Variants in SEPTIN9 observed in about 807,000 individuals in gnomAD.
SEPTIN9 encodes septin-9.
In SEPTIN9, 13 loss-of-function variants were observed where a neutral mutation model predicts 56.6. The ratio of observed to expected loss-of-function variants is 0.23; its 90% CI spans 0.15 to 0.37. The LOEUF (loss-of-function observed/expected upper bound fraction) is 0.37. Ranked by LOEUF, SEPTIN9 falls within the 10% of genes least tolerant of loss-of-function variation. The pLI is 1.00. For missense variants in SEPTIN9, 650 were observed against 823.1 expected (o/e 0.79, Z 2.57); for synonymous variants, 332 against 334.1 (o/e 0.99, Z 0.07).
chr17:77,454,172 C>G, intron 3 of SEPTIN9: 1 of 985,572 alleles, frequency 1.0e-6, no homozygotes, highest in Non-Finnish European at 1.2e-6. Context: ...CACAGAGCAT[C>G]GATACCACCT....
intron 3 of SEPTIN9, among the ~76,000 whole-genome samples, chr17:77,448,439 G>A (rs1598391318): frequency 6.6e-6 from 1 of 151,522 alleles, no homozygotes; most frequent in East Asian, 1.9e-4. Context: ...TCACGCCATT[G>A]CGCTCCAGCC....
At chr17:77,480,459 G>C (rs986893631) in intron 3 of SEPTIN9, among the ~76,000 whole-genome samples, 2 of 152,200 alleles carry the variant, frequency 1.3e-5, no homozygotes, top group African/African-American at 2.4e-5. Flanking sequence ...CCTGAGTTCG[G>C]TTCTTGCCCC....
intron 2 of SEPTIN9, among the ~76,000 whole-genome samples, chr17:77,381,005 T>C (rs537711087): frequency 3.9e-5 from 6 of 152,338 alleles, no homozygotes; most frequent in African/African-American, 1.4e-4. Context: ...TTTCTGATTC[T>C]GTGCCTGGTT....
rs1380454086 is a variant in SEPTIN9, at chr17:77,402,833, C to T, written c.721+130C>T. 17 of 915,384 alleles carry T rather than the reference C, an allele frequency of 1.9e-5. No individual in the cohort carries two copies. In the East Asian group the frequency reaches 2.4e-4, roughly 13 times the overall value. 56.7% of individuals were successfully genotyped at this position (915,384 alleles called of 1,614,324 possible). A position where few individuals can be genotyped will look rare whatever the true frequency, so the allele number is the denominator to read the frequency against. ...TGCTACCCTGGAGACCCAGAAAGAC[C>T]GGAATGCATGGGGGTGGGGGTCTGC... On this transcript the variant is annotated intron_variant, in intron 3 of 11. Coordinates refer to ENST00000427177, the MANE Select transcript of SEPTIN9 (RefSeq NM_001113491.2). This position sits in a 1 kb window ranked among gnomAD's most constrained non-coding sequence, Gnocchi z 6.6.
At chr17:77,466,054 TCACACACACA>T (rs10599395) in intron 3 of SEPTIN9, among the ~76,000 whole-genome samples, 9,176 of 127,380 alleles carry the variant, frequency 0.072, 332 homozygotes, top group South Asian at 0.097. Flanking sequence ...TTCTGGACTG[TCACACACACA>T]CACACACACA....
chr17:77,391,105 G>A (rs1400136054), intron 2 of SEPTIN9, among the ~76,000 whole-genome samples: 1 of 152,176 alleles, frequency 6.6e-6, no homozygotes, highest in East Asian at 1.9e-4. Flanking sequence ...GAGGGCAGTG[G>A]GGCGAGGCTG....
At chr17:77,490,709 C>G (rs375544386) in intron 7 of SEPTIN9, 33 bp from the exon 8 acceptor site, 2 of 1,495,718 alleles carry the variant, frequency 1.3e-6, no homozygotes, top group Non-Finnish European at 1.8e-6. Flanking sequence ...CCCGCTCCCC[C>G]AGATGAGCCT....
In SEPTIN9 at chr17:77,476,033, T is replaced by C. The variant is rs2039200611; in HGVS notation, c.722-6111T>C. 1.0e-6 allele frequency: 1 copy of C among 978,010 alleles called. No homozygotes were observed. The highest frequency in any genetic ancestry group is 1.5e-6 in the Non-Finnish European group (1 of 653,452). The allele number at this position is 978,010 out of a possible 1,614,324, so 60.6% of individuals were successfully genotyped here. A position where few individuals can be genotyped will look rare whatever the true frequency, so the allele number is the denominator to read the frequency against. ...CCTGGGGTGCAGGCCCGGCTGTCAC[T>C]CCCCTGGAGCTGGGAATGGCATTGG... On this transcript the variant is annotated intron_variant, in intron 3 of 11. Transcript: ENST00000427177. This position sits in a 1 kb window ranked among gnomAD's most constrained non-coding sequence, Gnocchi z 6.0.
chr17:77,413,121 T>TGTGC (rs2036364851), intron 3 of SEPTIN9, among the ~76,000 whole-genome samples: 2 of 148,588 alleles, frequency 1.3e-5, no homozygotes, highest in African/African-American at 5.0e-5. Context: ...TGTGTGTGTG[T>TGTGC]GCTATTTTTA....
chr17:77,476,633 G>A lies in SEPTIN9; in HGVS notation c.722-5511G>A, dbSNP rs560379266. 2.0e-5 allele frequency among the ~76,000 whole-genome samples: 3 copies of A among 152,358 alleles called. No homozygotes were observed. Among genetic ancestry groups the A allele is most frequent in the East Asian group, 1.9e-4 (1 of 5,194 alleles). On this transcript the variant is annotated intron_variant, in intron 3 of 11. Coordinates refer to ENST00000427177, the MANE Select transcript of SEPTIN9 (RefSeq NM_001113491.2). This position sits in a 1 kb window ranked among gnomAD's most constrained non-coding sequence, Gnocchi z 6.0. The stretch of plus-strand genomic sequence containing the variant: ...TGGGGGCAGTCCCCATCACGGGACC[G>A]GTGACCTACTGCCACCAGCGCCAGT...
At position 77,329,489 on chromosome 17, in the gene SEPTIN9, G is replaced by A. The variant is rs1055212775; in HGVS notation, c.76+22292G>A. Among the ~76,000 whole-genome samples the A allele has an allele frequency of 2.6e-5, 4 of 152,172 alleles. No homozygotes were observed. The highest frequency in any genetic ancestry group is 4.8e-5 in the African/African-American group (2 of 41,446). ...TGGCTGTGGTTTGGTACACTTGGCC[G>A]TGGGTGAGGCCAAGGTGGTTTGGAT... On this transcript the variant is annotated intron_variant, in intron 2 of 11. Coordinates refer to ENST00000427177, the MANE Select transcript of SEPTIN9 (RefSeq NM_001113491.2). The surrounding 1 kb of genome is among the most constrained non-coding windows in gnomAD (Gnocchi z 4.3).
intron 2 of SEPTIN9, among the ~76,000 whole-genome samples, chr17:77,332,015 AC>A (rs2033383754): frequency 2.6e-5 from 4 of 152,098 alleles, no homozygotes; most frequent in Non-Finnish European, 4.4e-5. Context: ...GTGGCTCATG[AC>A]TGTAATCCCA....
chr17:77,428,366 G>A (rs2036995492), intron 3 of SEPTIN9, among the ~76,000 whole-genome samples: 8 of 152,238 alleles, frequency 5.3e-5, no homozygotes, highest in Admixed American at 5.2e-4. Flanking sequence ...AGGCGAAGCG[G>A]TCAAGGGAGG....
rs974023757 is a variant in SEPTIN9 at position 77,498,964 on chromosome 17, G to A, written c.*306G>A. The A allele has an allele frequency of 1.1e-5, 6 of 549,508 alleles. No homozygotes were observed. The highest frequency in any genetic ancestry group is 1.5e-5 in the South Asian group (1 of 65,350). 34.0% of individuals were successfully genotyped at this position (549,508 alleles called of 1,614,324 possible). A position where few individuals can be genotyped will look rare whatever the true frequency, so the allele number is the denominator to read the frequency against. On this transcript the variant is annotated 3_prime_UTR_variant, in exon 12 of 12. Coordinates refer to ENST00000427177, the MANE Select transcript of SEPTIN9 (RefSeq NM_001113491.2). ...CCCGAGGGCTCAGAAGAGCAGCTTCGGTGTGCAGATCATCCGTCTGTGTGG... is the reference window on the plus strand; with the variant it reads ...CCCGAGGGCTCAGAAGAGCAGCTTCAGTGTGCAGATCATCCGTCTGTGTGG...
intron 1 of SEPTIN9, among the ~76,000 whole-genome samples, chr17:77,300,702 C>G (rs193077199): frequency 0.011 from 1,518 of 141,292 alleles, 20 homozygotes; most frequent in African/African-American, 0.041. Context: ...ACCCCAGGCT[C>G]AAACCGCCCC....
At chr17:77,464,411 A>G (rs1035450301) in intron 3 of SEPTIN9, among the ~76,000 whole-genome samples, 1 of 152,112 alleles carries the variant, frequency 6.6e-6, no homozygotes, top group African/African-American at 2.4e-5. Context: ...CAGAGCATCC[A>G]GTCAGATTTG....
Position 77,389,575 on chromosome 17 carries a change from A to C in SEPTIN9, c.77-12484A>C, listed in dbSNP as rs1415776897. Among the ~76,000 whole-genome samples the C allele has an allele frequency of 6.6e-6, 1 of 152,042 alleles. No individual in the cohort carries two copies. The highest frequency in any genetic ancestry group is 6.5e-5 in the Admixed American group (1 of 15,282). ...CTTCAGCGACAGCCATTTATCAGGG[A>C]GTCTTTGACCCAAGGAGACCTGAAA... On this transcript the variant is annotated intron_variant, in intron 2 of 11. Coordinates refer to ENST00000427177, the MANE Select transcript of SEPTIN9 (RefSeq NM_001113491.2). This position sits in a 1 kb window ranked among gnomAD's most constrained non-coding sequence, Gnocchi z 4.3.
At chr17:77,309,632 G>C (rs1214064127) in intron 2 of SEPTIN9, among the ~76,000 whole-genome samples, 1 of 152,124 alleles carries the variant, frequency 6.6e-6, no homozygotes. Flanking sequence ...AAGGACGAAG[G>C]CTCTTCTCGA....
At chr17:77,480,512 C>T (rs560580394) in intron 3 of SEPTIN9, among the ~76,000 whole-genome samples, 97 of 152,354 alleles carry the variant, frequency 6.4e-4, no homozygotes, top group African/African-American at 2.2e-3. Context: ...CACTGCCCCT[C>T]CTGGCCTGGA....
Sources: gnomAD v4.1 joint callset for allele counts (sites outside exome capture counted in the v4.1 genomes callset) on GRCh38, gnomAD v4.1.1 for gene constraint, Gnocchi (gnomAD v3.1) non-coding constraint, MANE v1.5 for transcripts, NCBI Gene and HGNC (gene_info 2026-07-23, HGNC 2026-07-21) for gene names.